The following USP6 variants were observed in gnomAD, a reference collection of about 807,000 sequenced individuals.
USP6 encodes ubiquitin specific peptidase 6.
In USP6, 128 loss-of-function variants were observed where a neutral mutation model predicts 175.7. The ratio of observed to expected loss-of-function variants is 0.73; its 90% CI spans 0.63 to 0.84. The LOEUF (loss-of-function observed/expected upper bound fraction) is 0.84. Among genes scored for constraint, USP6 ranks in the 40% least tolerant of loss-of-function variants. The pLI is 0.00. For missense variants in USP6, 1,498 were observed against 1,760.3 expected (o/e 0.85, Z 2.67); for synonymous variants, 562 against 630.6 (o/e 0.89, Z 1.63).
chr17:5,138,333 G>C, intron 21 of USP6, 60 bp downstream of exon 21: 9 of 1,607,312 alleles, frequency 5.6e-6, no homozygotes, highest in Non-Finnish European at 7.6e-6. Context: ...ATAGTGGGCG[G>C]GTGCCCCGGA....
At position 5,132,855 on chromosome 17, in the gene USP6, G is replaced by A; in HGVS notation, c.196-55G>A. 1.2e-6 allele frequency: 2 copies of A among 1,600,512 alleles called. No homozygotes were observed. Among genetic ancestry groups the A allele is most frequent in the Admixed American group, 1.7e-5 (1 of 59,986 alleles). On this transcript the variant is annotated intron_variant, in intron 12 of 37. Transcript: ENST00000574788. The surrounding 1 kb of genome is among the most constrained non-coding windows in gnomAD (Gnocchi z 4.7). ...CAGAGCCCAAGACTCAGCATCCATG[G>A]GCGGCTCTGGGAAGCCTGGCAGCTC...
chr17:5,141,450 T>C lies in USP6; in HGVS notation c.1524T>C (p.Pro508=), dbSNP rs2073443973. Residue 508 remains proline, a synonymous_variant, in exon 23 of 38, where the codon CCT becomes CCC. Coordinates refer to ENST00000574788, the MANE Select transcript of USP6 (RefSeq NM_001304284.2). Reference sequence around the variant, plus strand: ...TTCACAACAAAGATATGAGTTGGCCTGAGGAGATGTCTTTTACAGCAAATA... The same window carrying C: ...TTCACAACAAAGATATGAGTTGGCCCGAGGAGATGTCTTTTACAGCAAATA... ...GEVHNKDMSW[P]EEMSFTANSS... The C allele has an allele frequency of 6.2e-7, 1 of 1,609,412 alleles. No individual in the cohort carries two copies. The highest frequency in any genetic ancestry group is 8.5e-7 in the Non-Finnish European group (1 of 1,178,280).
At position 5,137,167 on chromosome 17, in the gene USP6, T is replaced by G; in HGVS notation, c.806T>G (p.Leu269Arg). The change falls in exon 19 of 38, where the codon CTC becomes CGC. Residue 269 changes from leucine to arginine, a missense_variant. This residue lies in a region of USP6 where 1,217 missense variants were observed against 1,500.8 expected (regional missense o/e 0.81). Coordinates refer to ENST00000574788, the MANE Select transcript of USP6 (RefSeq NM_001304284.2). The part of the protein sequence containing the change: ...CGQCASLGCL[L>R]RNLIDGISLG... ...CAGTGTGCCTCGTTAGGCTGCCTTC[T>G]CCGGAACCTGATTGACGGGGTAAGG... is the stretch of plus-strand genomic sequence containing the variant. 1 of 1,613,358 alleles carries G rather than the reference T, an allele frequency of 6.2e-7. No homozygotes were observed. The highest frequency in any genetic ancestry group is 8.5e-7 in the Non-Finnish European group (1 of 1,179,580).
chr17:5,135,981 C>CT, intron 17 of USP6, 53 bp downstream of exon 17: 1 of 1,596,872 alleles, frequency 6.3e-7, no homozygotes, highest in South Asian at 1.1e-5. Context: ...GGGAAAGCCA[C>CT]TGTGGCCAGG....
Position 5,146,628 on chromosome 17 carries a change from A to G in USP6, c.2319+454A>G, listed in dbSNP as rs146680878. On this transcript the variant is annotated intron_variant, in intron 28 of 37. Transcript: ENST00000574788. ...TAAGAGTAAAGACAAATTGACACCA[A>G]TCATGTCTTTCTACAAACCAGCTGG... 8.0e-3 allele frequency among the ~76,000 whole-genome samples: 1,223 copies of G among 152,330 alleles called. 16 individuals are homozygous for G. Among genetic ancestry groups the G allele is most frequent in the African/African-American group, 0.028 (1,156 of 41,584 alleles).
At chr17:5,172,306 C>T (rs187107266) in intron 37 of USP6, among the ~76,000 whole-genome samples, 21 of 151,976 alleles carry the variant, frequency 1.4e-4, no homozygotes, top group Admixed American at 2.0e-4. Context: ...CCAAGGTGGG[C>T]GGATCATGAG....
chr17:5,150,295 A>AAAATAAATAAATAAATAAAT, intron 30 of USP6, among the ~76,000 whole-genome samples: 1 of 138,880 alleles, frequency 7.2e-6, no homozygotes, highest in East Asian at 2.0e-4. Context: ...TCCGTCTAAA[A>AAAATAAATAAATAAATAAAT]AAATAAATAA....
chr17:5,134,853 T>A (rs970990995), intron 15 of USP6: 2 of 328,740 alleles, frequency 6.1e-6, no homozygotes, highest in Non-Finnish European at 5.9e-6. Flanking sequence ...AGAGGCTGGG[T>A]GCATAGGGGA....
rs2073088840 is a variant in USP6, at chr17:5,132,140, G to A, written c.156-256G>A. 3 of 1,370,166 alleles carry A rather than the reference G, an allele frequency of 2.2e-6. No homozygotes were observed. The highest frequency in any genetic ancestry group is 2.9e-6 in the Non-Finnish European group (3 of 1,020,438). The allele number at this position is 1,370,166 out of a possible 1,614,324, so 84.9% of individuals were successfully genotyped here. On this transcript the variant is annotated intron_variant, in intron 11 of 37. Transcript: ENST00000574788. The surrounding 1 kb of genome is among the most constrained non-coding windows in gnomAD (Gnocchi z 4.7). ...AGTCCAGGATGGGCAGCCCCACTGT[G>A]GCCTGACCACCCCCCATGCCAGGGG...
chr17:5,151,619 A>G (rs1325766979), intron 30 of USP6, among the ~76,000 whole-genome samples: 1 of 152,234 alleles, frequency 6.6e-6, no homozygotes, highest in Non-Finnish European at 1.5e-5. Context: ...TATGATACTT[A>G]AAATAATGTC....
In USP6 at chr17:5,162,888, T is replaced by C. The variant is rs761778103; in HGVS notation, c.2920T>C (p.Cys974Arg). Residue 974 changes from cysteine (C) to arginine (R), a missense_variant, in exon 33 of 38, where the codon TGC becomes CGC. Cys to Arg is a radical substitution (Grantham distance 180). This residue lies in a region of USP6 where 1,217 missense variants were observed against 1,500.8 expected (regional missense o/e 0.81). Coordinates refer to ENST00000574788, the MANE Select transcript of USP6 (RefSeq NM_001304284.2). ...GGATCTTTCCCCCCTTTTTAGATTTTGCAGAGGCTGTAAAATTGATTGTGG... is the reference window on the plus strand; with the variant it reads ...GGATCTTTCCCCCCTTTTTAGATTTCGCAGAGGCTGTAAAATTGATTGTGG... ...SCAWCPQYRFCRGCKIDCGED... is the reference protein window; with the variant it reads ...SCAWCPQYRFRRGCKIDCGED... 1.3e-6 allele frequency: 2 copies of C among 1,597,318 alleles called. No homozygotes were observed. Among genetic ancestry groups the C allele is most frequent in the Non-Finnish European group, 8.5e-7 (1 of 1,176,474 alleles).
At chr17:5,151,595 T>G (rs2073774928) in intron 30 of USP6, among the ~76,000 whole-genome samples, 1 of 152,164 alleles carries the variant, frequency 6.6e-6, no homozygotes, top group Non-Finnish European at 1.5e-5. Flanking sequence ...ATATCAAGAT[T>G]TATTTCACAA....
rs1291865350 is a variant in USP6, at chr17:5,125,120, A to G, written c.-744A>G. The G allele has an allele frequency of 1.3e-5, 2 of 152,070 alleles. No homozygotes were observed. The highest frequency in any genetic ancestry group is 4.8e-5 in the African/African-American group (2 of 41,358). 9.4% of individuals were successfully genotyped at this position (152,070 alleles called of 1,614,324 possible). On this transcript the variant is annotated 5_prime_UTR_variant, in exon 5 of 38. Transcript: ENST00000574788. ...CCGTTAGATTCTCACAGAAGCATGAACCCTACTGTGAACTGCGCATGCCAG... is the reference window on the plus strand; with the variant it reads ...CCGTTAGATTCTCACAGAAGCATGAGCCCTACTGTGAACTGCGCATGCCAG...
chr17:5,122,383 A>T (rs1184629217), intron 4 of USP6, among the ~76,000 whole-genome samples: 2 of 152,152 alleles, frequency 1.3e-5, no homozygotes, highest in Non-Finnish European at 2.9e-5. Flanking sequence ...TCGGGTTTGC[A>T]GGTGGGAAGG....
In USP6 at chr17:5,116,516, C is replaced by G. The variant is rs569526369; in HGVS notation, c.-2152C>G. 1 of 152,330 alleles carries G rather than the reference C, an allele frequency of 6.6e-6. No homozygotes were observed. The highest frequency in any genetic ancestry group is 1.5e-5 in the Non-Finnish European group (1 of 68,130). 9.4% of individuals were successfully genotyped at this position (152,330 alleles called of 1,614,324 possible). A position where few individuals can be genotyped will look rare whatever the true frequency, so the allele number is the denominator to read the frequency against. On this transcript the variant is annotated 5_prime_UTR_variant, in exon 1 of 38. Transcript: ENST00000574788. ...CGAAAGGGAAAAGGCCAGTGCCTGT[C>G]CGGGAAGAGCTCAGCCTAGTGGGGC...
intron 19 of USP6, 122 bp from the exon 20 acceptor site, chr17:5,137,529 G>C (rs114274445): frequency 9.9e-7 from 1 of 1,007,330 alleles, no homozygotes; most frequent in Non-Finnish European, 1.5e-6. Flanking sequence ...ATTCTGGAGG[G>C]CTCAGGTGAC....
At chr17:5,131,535 C>T (rs2073068398) in intron 11 of USP6, among the ~76,000 whole-genome samples, 1 of 150,492 alleles carries the variant, frequency 6.6e-6, no homozygotes, top group Non-Finnish European at 1.5e-5. Flanking sequence ...CTGTTCTCCC[C>T]CATGTCCTTA....
At chr17:5,126,570 CTT>C (rs1235446412) in intron 6 of USP6, among the ~76,000 whole-genome samples, 2 of 152,172 alleles carry the variant, frequency 1.3e-5, no homozygotes, top group Non-Finnish European at 2.9e-5. Context: ...CTCTCTGTCT[CTT>C]TGCGTTTTGT....
At chr17:5,158,580 GGA>G (rs772325537) in intron 31 of USP6, among the ~76,000 whole-genome samples, 143 of 103,996 alleles carry the variant, frequency 1.4e-3, no homozygotes, top group South Asian at 6.0e-3. Context: ...AGAGAGAGAG[GGA>G]GAGAGAGAGA....
Sources: gnomAD v4.1 joint callset for allele counts (sites outside exome capture counted in the v4.1 genomes callset) on GRCh38, gnomAD v4.1.1 for gene constraint, gnomAD v4.1.1 regional missense constraint, Gnocchi (gnomAD v3.1) non-coding constraint, MANE v1.5 for transcripts, NCBI Gene and HGNC (gene_info 2026-07-23, HGNC 2026-07-21) for gene names.